SMARCC2: variants seen among roughly 807,000 people sequenced by gnomAD.
The protein encoded by SMARCC2 is SWI/SNF complex subunit SMARCC2.
Under a neutral mutation model 151.3 loss-of-function variants are expected in SMARCC2, and 15 were observed. The ratio of observed to expected loss-of-function variants is 0.10; its 90% CI spans 0.07 to 0.15. The LOEUF (loss-of-function observed/expected upper bound fraction) is 0.15. SMARCC2 is among the 10% of genes least tolerant of loss of function. The pLI, the probability that SMARCC2 is intolerant of heterozygous loss-of-function variation, is 1.00. For synonymous variants in SMARCC2, 590 were observed against 609.5 expected (o/e 0.97, Z 0.47); for missense variants, 1,031 against 1,599.7 (o/e 0.64, Z 6.06).
intron 1 of SMARCC2, among the ~76,000 whole-genome samples, chr12:56,188,176 T>A (rs929569948): frequency 2.6e-5 from 4 of 152,158 alleles, no homozygotes; most frequent in Non-Finnish European, 4.4e-5. Context: ...CAACTGTCAA[T>A]TCCCCCAAGG....
chr12:56,171,410 T>C lies in SMARCC2; in HGVS notation c.2208A>G (p.Glu736=). ...SALEEFSKMK[E]EVPTALVEAH... ...CCTCCACCAAGGCCGTGGGTACCTC[T>C]TCCTTCATTTTGGAGAACTCCTCTG... is the stretch of plus-strand genomic sequence containing the variant. The change falls in exon 22 of 29, where the codon GAA becomes GAG. Residue 736 remains glutamate, a synonymous_variant. Transcript: ENST00000550164. This position sits in a 1 kb window ranked among gnomAD's most constrained non-coding sequence, Gnocchi z 4.2. The C allele has an allele frequency of 1.2e-6, 2 of 1,614,214 alleles. No homozygotes were observed. Among genetic ancestry groups the C allele is most frequent in the Non-Finnish European group, 1.7e-6 (2 of 1,180,042 alleles).
intron 26 of SMARCC2, among the ~76,000 whole-genome samples, chr12:56,166,755 A>G (rs1415046828): frequency 1.3e-5 from 2 of 151,936 alleles, no homozygotes; most frequent in Non-Finnish European, 2.9e-5. Flanking sequence ...ACGCCCGGCT[A>G]ATTTGTTTAT....
Position 56,171,574 on chromosome 12 carries a change from G to A in SMARCC2, c.2185+105C>T. On this transcript the variant is annotated intron_variant, in intron 21 of 28. Coordinates refer to ENST00000550164, the MANE Select transcript of SMARCC2 (RefSeq NM_001330288.2). The surrounding 1 kb of genome is among the most constrained non-coding windows in gnomAD (Gnocchi z 4.2). ...AGGTGCCTGAGCTGAGGCCCGCACA[G>A]ACAAGGCCAGCAGGGCAGCCAAACT... is the stretch of plus-strand genomic sequence containing the variant. 6.7e-7 allele frequency: 1 copy of A among 1,491,488 alleles called. No individual in the cohort carries two copies. Among genetic ancestry groups the A allele is most frequent in the Non-Finnish European group, 9.1e-7 (1 of 1,102,976 alleles). 92.4% of individuals were successfully genotyped at this position (1,491,488 alleles called of 1,614,324 possible). A position where few individuals can be genotyped will look rare whatever the true frequency, so the allele number is the denominator to read the frequency against.
At position 56,164,534 on chromosome 12, in the gene SMARCC2, G is replaced by C. The variant is rs199731176; in HGVS notation, c.3430C>G (p.Pro1144Ala). Residue 1144 changes from proline (P) to alanine (A), a missense_variant, in exon 28 of 29, where the codon CCT becomes GCT. Physicochemically the swap from Pro to Ala is conservative, Grantham distance 27. Around this residue, in one of 12 missense-constraint regions of SMARCC2, gnomAD observed 310 missense variants for 350.0 expected, o/e 0.89. Coordinates refer to ENST00000550164, the MANE Select transcript of SMARCC2 (RefSeq NM_001330288.2). ...TGGTGATGCCCATGCAGGTTAGGAG[G>C]AGCGGGGAGGTTAATACTGATGGAG... is the stretch of plus-strand genomic sequence containing the variant. ...ADSISINLPAPPNLHGHHHHL... is the reference protein window; with the variant it reads ...ADSISINLPAAPNLHGHHHHL... The C allele has an allele frequency of 1.1e-4, 180 of 1,614,206 alleles. 1 individual carries two copies. The highest frequency in any genetic ancestry group is 3.3e-4 in the Middle Eastern group (2 of 6,060).
chr12:56,165,030 C>A (rs968506342), intron 27 of SMARCC2, among the ~76,000 whole-genome samples: 4 of 152,304 alleles, frequency 2.6e-5, no homozygotes, highest in South Asian at 2.1e-4. Context: ...TCGTGATCCA[C>A]CCATTTCGGC....
In SMARCC2 at chr12:56,167,951, AACACACACACACACACACACACACAC is replaced by A. The variant is rs56809897; in HGVS notation, c.2850+83_2850+108del. On this transcript the variant is annotated intron_variant, in intron 26 of 28. Transcript: ENST00000550164. ...CTGTTGCTTATCTCTCTTTCACTGA[AACACACACACACACACACACACACAC>A]ACACACACACACACACACACACGCC... 1.2e-4 allele frequency: 80 copies of A among 689,556 alleles called. 1 individual carries two copies. The highest frequency in any genetic ancestry group is 1.1e-3 in the African/African-American group (47 of 44,296). The allele number at this position is 689,556 out of a possible 1,614,324, so 42.7% of individuals were successfully genotyped here.
rs917809681 is a variant in SMARCC2, at chr12:56,175,420, C to T, written c.1383-656G>A. 3.3e-5 allele frequency among the ~76,000 whole-genome samples: 5 copies of T among 152,304 alleles called. No homozygotes were observed. The East Asian group carries it at 5.8e-4, about 18-fold the overall frequency. On this transcript the variant is annotated intron_variant, in intron 15 of 28. Transcript: ENST00000550164. ...ATGCATATAGCTAGTCAGCATACCA[C>T]GGTAAAAAACATATGTTTTGAAGTT... is the stretch of plus-strand genomic sequence containing the variant.
chr12:56,173,305 A>C (rs1046758180), intron 17 of SMARCC2, among the ~76,000 whole-genome samples: 7 of 152,160 alleles, frequency 4.6e-5, no homozygotes, highest in Admixed American at 6.5e-5. Context: ...CCTTCTTCCT[A>C]ATTTTTGTAA....
intron 7 of SMARCC2, 110 bp from the exon 8 acceptor site, chr12:56,182,189 T>C: frequency 1.5e-6 from 1 of 687,326 alleles, no homozygotes; most frequent in South Asian, 2.1e-5. Context: ...GTTCTTGGCT[T>C]ATTTTTTTTG....
At chr12:56,188,274 T>A (rs1232003854) in intron 1 of SMARCC2, among the ~76,000 whole-genome samples, 2 of 152,106 alleles carry the variant, frequency 1.3e-5, no homozygotes, top group Admixed American at 6.6e-5. Flanking sequence ...CGTAGAGACA[T>A]GCCATAGAAA....
At position 56,178,042 on chromosome 12, in the gene SMARCC2, G is replaced by A. The variant is rs1164611688; in HGVS notation, c.1362C>T (p.Asn454=). 3 of 1,612,750 alleles carry A rather than the reference G, an allele frequency of 1.9e-6. No homozygotes were observed. Among genetic ancestry groups the A allele is most frequent in the Non-Finnish European group, 2.5e-6 (3 of 1,178,784 alleles). The change falls in exon 15 of 29, where the codon AAC becomes AAT. Residue 454 remains asparagine, a synonymous_variant. Coordinates refer to ENST00000550164, the MANE Select transcript of SMARCC2 (RefSeq NM_001330288.2). ...CTTACATCTCTGGAGTCTTGGACTT[G>A]TTCTTGCCGTTGAAGAACTCGGGGA... ...RALPEFFNGK[N]KSKTPEIYLA... is the part of the protein sequence containing the mutation.
chr12:56,183,795 C>A, intron 7 of SMARCC2, 66 bp downstream of exon 7: 2 of 1,082,388 alleles, frequency 1.8e-6, no homozygotes, highest in Admixed American at 2.1e-5. Context: ...TCTTGCTCTG[C>A]TAGATGTCCT....
At chr12:56,186,476 G>A (rs1443337213) in intron 2 of SMARCC2, 8 of 480,402 alleles carry the variant, frequency 1.7e-5, no homozygotes, top group East Asian at 8.0e-5. Flanking sequence ...TCAGCCTCCT[G>A]AGTAGCTGGC....
intron 11 of SMARCC2, among the ~76,000 whole-genome samples, chr12:56,180,039 G>A (rs1222609598): frequency 6.6e-6 from 1 of 152,036 alleles, no homozygotes; most frequent in African/African-American, 2.4e-5. Context: ...AGATATGTTT[G>A]TGTTTTAAAA....
At chr12:56,182,915 A>C (rs1316410541) in intron 7 of SMARCC2, among the ~76,000 whole-genome samples, 1 of 147,194 alleles carries the variant, frequency 6.8e-6, no homozygotes, top group Non-Finnish European at 1.5e-5. Context: ...CACAATGCAG[A>C]CTCAACCTCC....
intron 10 of SMARCC2, 32 bp downstream of exon 10, chr12:56,181,450 T>C (rs1428940120): frequency 1.6e-6 from 2 of 1,277,952 alleles, no homozygotes; most frequent in African/African-American, 1.5e-5. Context: ...GAGAGAATGG[T>C]GAACACGGGG....
Position 56,173,009 on chromosome 12 carries a change from A to G in SMARCC2, c.1671T>C (p.Asp557=), listed in dbSNP as rs888087940. The G allele has an allele frequency of 1.9e-6, 3 of 1,614,104 alleles. No homozygotes were observed. Among genetic ancestry groups the G allele is most frequent in the Non-Finnish European group, 2.5e-6 (3 of 1,180,028 alleles). ...CTTTGCCCTTTCGCCCAGCCTTGGTATCAGCATCAACCTGGCGGCCCTGGG... is the reference window on the plus strand; with the variant it reads ...CTTTGCCCTTTCGCCCAGCCTTGGTGTCAGCATCAACCTGGCGGCCCTGGG... ...KTPQGRQVDA[D]TKAGRKGKEL... is the part of the protein sequence containing the mutation. The change falls in exon 18 of 29, where the codon GAT becomes GAC. Residue 557 remains aspartate (D), a synonymous_variant. Transcript: ENST00000550164.
chr12:56,178,264 T>A, intron 14 of SMARCC2, 140 bp downstream of exon 14: 1 of 1,020,078 alleles, frequency 9.8e-7, no homozygotes. Flanking sequence ...CACAAGGAGC[T>A]CCCCTAAAAC....
rs768965678 is a variant in SMARCC2, at chr12:56,164,594, C to CAGG, written c.3367_3369dup (p.Pro1123dup). 55 of 1,612,686 alleles carry CAGG rather than the reference C, an allele frequency of 3.4e-5. No individual in the cohort carries two copies. The highest frequency in any genetic ancestry group is 4.2e-5 in the Non-Finnish European group (50 of 1,179,246). ...CTACCAAATGGGATGATGGATGGAG[C>CAGG]AGGAGGAGGAGGAGGAGGCGGCATG... is the stretch of plus-strand genomic sequence containing the variant. On this transcript the variant is annotated inframe_insertion, in exon 28 of 29. Coordinates refer to ENST00000550164, the MANE Select transcript of SMARCC2 (RefSeq NM_001330288.2).
Sources: allele counts gnomAD v4.1 joint callset (sites outside exome capture counted in the v4.1 genomes callset), GRCh38; gene constraint gnomAD v4.1.1; regional missense constraint gnomAD v4.1.1; non-coding constraint Gnocchi (gnomAD v3.1); transcripts MANE v1.5; gene names NCBI Gene and HGNC (gene_info 2026-07-23, HGNC 2026-07-21).